The following PHACTR1 variants were observed in gnomAD, a reference collection of about 807,000 sequenced individuals.
The protein encoded by PHACTR1 is phosphatase and actin regulator 1, also known as RPEL repeat containing 1.
Under a neutral mutation model 69.2 loss-of-function variants are expected in PHACTR1, and 16 were observed. The ratio of observed to expected loss-of-function variants is 0.23; its 90% confidence interval spans 0.16 to 0.35. PHACTR1 has a LOEUF of 0.35. Among genes scored for constraint, PHACTR1 ranks in the 10% least tolerant of loss-of-function variants. The pLI is 1.00. For missense variants in PHACTR1, 510 were observed against 734.7 expected (o/e 0.69, Z 3.54); for synonymous variants, 312 against 284.5 (o/e 1.10, Z -0.97).
chr6:13,149,584 G>A (rs1823993325), intron 5 of PHACTR1, among the ~76,000 whole-genome samples: 1 of 152,170 alleles, frequency 6.6e-6, no homozygotes, highest in Admixed American at 6.5e-5. Context: ...GGGCGTCTGT[G>A]TTGGAAATGA....
intron 2 of PHACTR1, among the ~76,000 whole-genome samples, chr6:12,718,126 A>C (rs552123534): frequency 6.6e-6 from 1 of 152,348 alleles, no homozygotes; most frequent in East Asian, 1.9e-4. Context: ...CCTGCCAGGC[A>C]CAGGCAGGTG....
chr6:12,915,565 T>G (rs1786896165), intron 4 of PHACTR1, among the ~76,000 whole-genome samples: 1 of 146,970 alleles, frequency 6.8e-6, no homozygotes, highest in South Asian at 2.2e-4. Flanking sequence ...CTTCCTGCAA[T>G]GTCCCTCCAG....
At chr6:12,738,627 C>G (rs553891234) in intron 3 of PHACTR1, among the ~76,000 whole-genome samples, 1 of 152,236 alleles carries the variant, frequency 6.6e-6, no homozygotes, top group Non-Finnish European at 1.5e-5. Flanking sequence ...CTTTGGGAGG[C>G]CGAGGCAGGC....
intron 10 of PHACTR1, among the ~76,000 whole-genome samples, chr6:13,255,298 C>G (rs1476805302): frequency 6.6e-6 from 1 of 152,180 alleles, no homozygotes; most frequent in South Asian, 2.1e-4. Context: ...GAAACTGCTC[C>G]CATCATTCAA....
intron 4 of PHACTR1, chr6:12,957,554 A>G (rs1326126088): frequency 2.5e-5 from 25 of 985,448 alleles, no homozygotes; most frequent in African/African-American, 3.5e-5. Flanking sequence ...GGTAAGAGGC[A>G]GTCTGTGCCC....
At chr6:12,991,542 C>T (rs909223120) in intron 4 of PHACTR1, among the ~76,000 whole-genome samples, 10 of 152,188 alleles carry the variant, frequency 6.6e-5, no homozygotes, top group Non-Finnish European at 1.3e-4. Flanking sequence ...TTCCCTTCTA[C>T]TTTTTGGTTT....
intron 8 of PHACTR1, among the ~76,000 whole-genome samples, chr6:13,217,613 A>G (rs1241264593): frequency 6.6e-6 from 1 of 151,488 alleles, no homozygotes; most frequent in Admixed American, 6.6e-5. Flanking sequence ...ATCCATTACC[A>G]CTGCTGAAAA....
chr6:12,873,019 T>C (rs950587867), intron 4 of PHACTR1, among the ~76,000 whole-genome samples: 11 of 151,780 alleles, frequency 7.2e-5, no homozygotes, highest in Non-Finnish European at 1.5e-4. Flanking sequence ...TTTTCTTTCT[T>C]TCTTTGCTTT....
chr6:12,884,804 TAC>T (rs1398613296), intron 4 of PHACTR1, among the ~76,000 whole-genome samples: 1 of 152,020 alleles, frequency 6.6e-6, no homozygotes, highest in African/African-American at 2.4e-5. Flanking sequence ...GTGTACACTA[TAC>T]ACACACACTC....
intron 5 of PHACTR1, among the ~76,000 whole-genome samples, chr6:13,064,600 ATATATCTATATATCTATCTATC>A (rs1808295467): frequency 5.3e-4 from 4 of 7,522 alleles, no homozygotes; most frequent in Admixed American, 1.3e-3. Context: ...ATATATATAT[ATATATCTATATATCTATCTATC>A]CACACTTGCC....
At chr6:12,881,061 G>T (rs1014924233) in intron 4 of PHACTR1, among the ~76,000 whole-genome samples, 1 of 152,226 alleles carries the variant, frequency 6.6e-6, no homozygotes, top group African/African-American at 2.4e-5. Flanking sequence ...GGGCGAAGGT[G>T]TGTAAAGTAC....
intron 5 of PHACTR1, among the ~76,000 whole-genome samples, chr6:13,144,227 G>GA (rs1237005894): frequency 6.6e-6 from 1 of 152,122 alleles, no homozygotes; most frequent in East Asian, 1.9e-4. Context: ...TAAAGGACGA[G>GA]AAGGTAATAA....
chr6:13,126,754 T>C (rs1819598002), intron 5 of PHACTR1, among the ~76,000 whole-genome samples: 1 of 152,262 alleles, frequency 6.6e-6, no homozygotes, highest in African/African-American at 2.4e-5. Context: ...GTTCAGTAAC[T>C]TGCCCAGGAT....
chr6:13,067,816 C>A (rs1583213147), intron 5 of PHACTR1, among the ~76,000 whole-genome samples: 2 of 152,068 alleles, frequency 1.3e-5, no homozygotes, highest in Admixed American at 6.5e-5. Context: ...GCTAGATAGG[C>A]ACAGAAATAT....
chr6:13,284,240 A>G (rs1584466111), intron 13 of PHACTR1, among the ~76,000 whole-genome samples: 1 of 152,118 alleles, frequency 6.6e-6, no homozygotes, highest in East Asian at 1.9e-4. Flanking sequence ...TCTGTGCGCC[A>G]GGCACAGTGG....
In PHACTR1 at chr6:13,205,955, C is replaced by A. The variant is rs758003040; in HGVS notation, c.805C>A (p.Gln269Lys). 2 of 1,614,012 alleles carry A rather than the reference C, an allele frequency of 1.2e-6. No homozygotes were observed. Among genetic ancestry groups the A allele is most frequent in the Non-Finnish European group, 1.7e-6 (2 of 1,179,894 alleles). The change falls in exon 8 of 15, where the codon CAG becomes AAG. Residue 269 changes from glutamine to lysine, a missense_variant. Physicochemically the swap from Gln to Lys is moderately conservative, Grantham distance 53. Around this residue, in one of 2 missense-constraint regions of PHACTR1, gnomAD observed 419 missense variants for 530.9 expected, o/e 0.79. Transcript: ENST00000332995. ...CTACACAGCCCAGAAGAGTGGCCAG[C>A]AGGGTGTGGCCCAGCACCACCACAC... is the stretch of plus-strand genomic sequence containing the variant. Reference protein sequence around the residue: ...VSYTAQKSGQQGVAQHHHTVL... With the variant: ...VSYTAQKSGQKGVAQHHHTVL...
intron 10 of PHACTR1, among the ~76,000 whole-genome samples, chr6:13,241,066 A>G (rs1772769282): frequency 6.6e-6 from 1 of 152,162 alleles, no homozygotes; most frequent in African/African-American, 2.4e-5. Context: ...TTGAGTTTTT[A>G]TGTTGAACAG....
intron 11 of PHACTR1, 127 bp from the exon 12 acceptor site, chr6:13,278,141 G>A: frequency 2.4e-6 from 2 of 827,892 alleles, no homozygotes; most frequent in South Asian, 1.8e-5. Flanking sequence ...TGGGGGAGGG[G>A]ACAGGAGTAC....
chr6:12,755,756 C>T (rs1168511439), intron 4 of PHACTR1, among the ~76,000 whole-genome samples: 3 of 152,142 alleles, frequency 2.0e-5, no homozygotes, highest in African/African-American at 7.2e-5. Context: ...TCCTAATTGG[C>T]ATTTCAAGTC....
Sources: allele counts gnomAD v4.1 joint callset (sites outside exome capture counted in the v4.1 genomes callset), GRCh38; gene constraint gnomAD v4.1.1; regional missense constraint gnomAD v4.1.1; transcripts MANE v1.5; gene names NCBI Gene and HGNC (gene_info 2026-07-23, HGNC 2026-07-21).